Variants in ARL15 observed in about 807,000 individuals in gnomAD.
The protein encoded by ARL15 is ARF like GTPase 15.
A neutral mutation model predicts 25.2 loss-of-function variants in ARL15; 19 were observed. The observed-to-expected ratio is 0.75, with a 90% CI of 0.53 to 1.10. The LOEUF is 1.10. Ranked by LOEUF, ARL15 falls within the 50% of genes least tolerant of loss-of-function variation. The pLI is 0.00. For missense variants in ARL15, 220 were observed against 246.0 expected, an observed-to-expected ratio of 0.89 and a Z score of 0.71; for synonymous variants, 94 against 86.8, an observed-to-expected ratio of 1.08 and a Z score of -0.46.
Position 54,075,073 on chromosome 5 carries a change from G to GAAAAAAAAAAAAAAAAAAAAA in ARL15, c.462+38128_462+38129insTTTTTTTTTTTTTTTTTTTTT, listed in dbSNP as rs3836818. Among the ~76,000 whole-genome samples, 12 of 63,906 alleles carry GAAAAAAAAAAAAAAAAAAAAA rather than the reference G, an allele frequency of 1.9e-4. 2 individuals carry two copies. The highest frequency in any genetic ancestry group is 4.5e-4 in the African/African-American group (7 of 15,606). 41.9% of individuals were successfully genotyped at this position (63,906 alleles called of 152,430 possible). A position where few individuals can be genotyped will look rare whatever the true frequency, so the allele number is the denominator to read the frequency against. On this transcript the variant is annotated intron_variant, in intron 4 of 4. Coordinates refer to ENST00000504924, the MANE Select transcript of ARL15 (RefSeq NM_019087.3). ...GAATGATTCTTAGTACAGAATACAG[G>GAAAAAAAAAAAAAAAAAAAAA]AAAAAAAAAAAAAAAAAAAGTCCTG... is the stretch of plus-strand genomic sequence containing the variant.
chr5:54,241,285 C>T (rs67894567), intron 1 of ARL15, among the ~76,000 whole-genome samples: 12,542 of 152,022 alleles, frequency 0.083, 751 homozygotes, highest in African/African-American at 0.16. Context: ...TCTAAAAAAT[C>T]CCTAATCCAG....
intron 4 of ARL15, among the ~76,000 whole-genome samples, chr5:54,027,556 C>T (rs1237218754): frequency 6.6e-6 from 1 of 152,188 alleles, no homozygotes; most frequent in Non-Finnish European, 1.5e-5. Context: ...AAGGGATAAA[C>T]TAGAATTTTA....
chr5:54,310,333 T>C, intron 1 of ARL15, 99 bp downstream of exon 1: 1 of 1,371,782 alleles, frequency 7.3e-7, no homozygotes, highest in Non-Finnish European at 1.0e-6. Flanking sequence ...AGGCATCCTA[T>C]CCCAAAGAAA....
At chr5:53,909,898 A>G (rs1288863008) in intron 4 of ARL15, among the ~76,000 whole-genome samples, 1 of 152,194 alleles carries the variant, frequency 6.6e-6, no homozygotes, top group East Asian at 1.9e-4. Context: ...CAATATAAAC[A>G]TTCTCCTCAT....
chr5:53,991,363 G>C (rs1748485604), intron 4 of ARL15, among the ~76,000 whole-genome samples: 1 of 151,948 alleles, frequency 6.6e-6, no homozygotes, highest in African/African-American at 2.4e-5. Flanking sequence ...CCAATATGAT[G>C]AAACTCCATC....
intron 4 of ARL15, among the ~76,000 whole-genome samples, chr5:53,990,373 T>C (rs1283375609): frequency 6.6e-6 from 1 of 152,142 alleles, no homozygotes; most frequent in Non-Finnish European, 1.5e-5. Context: ...GGAAATACAA[T>C]TTCTTCTTTT....
At chr5:54,101,141 A>C (rs1359779105) in intron 4 of ARL15, among the ~76,000 whole-genome samples, 2 of 152,114 alleles carry the variant, frequency 1.3e-5, no homozygotes, top group African/African-American at 2.4e-5. Flanking sequence ...AAAATGAGTG[A>C]GAGAAGAGTT....
chr5:54,028,287 A>G (rs998400050), intron 4 of ARL15, among the ~76,000 whole-genome samples: 2 of 152,152 alleles, frequency 1.3e-5, no homozygotes, highest in African/African-American at 4.8e-5. Context: ...AAGTTCCATA[A>G]CTGCAATCGG....
chr5:53,950,917 C>A (rs572376219), intron 4 of ARL15, among the ~76,000 whole-genome samples: 1 of 152,332 alleles, frequency 6.6e-6, no homozygotes, highest in East Asian at 1.9e-4. Flanking sequence ...AGCATCTGTT[C>A]CTGACGATGG....
At chr5:54,266,657 A>G (rs1757634219) in intron 1 of ARL15, among the ~76,000 whole-genome samples, 1 of 152,208 alleles carries the variant, frequency 6.6e-6, no homozygotes. Context: ...CAGAACATAG[A>G]AGGATTTGAA....
intron 3 of ARL15, among the ~76,000 whole-genome samples, chr5:54,130,875 C>G (rs571250091): frequency 2.0e-5 from 3 of 152,188 alleles, no homozygotes; most frequent in African/African-American, 7.2e-5. Context: ...AACTAGGAAC[C>G]TATTTGGCAC....
intron 4 of ARL15, among the ~76,000 whole-genome samples, chr5:54,026,244 A>T (rs1377528331): frequency 6.6e-6 from 1 of 152,186 alleles, no homozygotes; most frequent in Non-Finnish European, 1.5e-5. Flanking sequence ...TCTGTCACAT[A>T]CCAAAATTAT....
At chr5:54,213,356 G>A (rs3797248) in intron 1 of ARL15, among the ~76,000 whole-genome samples, 25,154 of 152,116 alleles carry the variant, frequency 0.17, 2,507 homozygotes, top group Admixed American at 0.29. Flanking sequence ...AACTGAGGAT[G>A]CTCGAGTCAC....
At chr5:54,163,532 T>A (rs932512410) in intron 2 of ARL15, among the ~76,000 whole-genome samples, 1 of 151,666 alleles carries the variant, frequency 6.6e-6, no homozygotes. Flanking sequence ...TAGGATTCAC[T>A]AGTGAAACCA....
At chr5:54,077,776 CA>C (rs1328596254) in intron 4 of ARL15, among the ~76,000 whole-genome samples, 1 of 152,180 alleles carries the variant, frequency 6.6e-6, no homozygotes, top group African/African-American at 2.4e-5. Flanking sequence ...TGTCATTTGG[CA>C]AAGATGTGAG....
chr5:54,303,614 C>CCTGAAA, intron 1 of ARL15, among the ~76,000 whole-genome samples: 1 of 125,128 alleles, frequency 8.0e-6, no homozygotes, highest in East Asian at 2.3e-4. Flanking sequence ...AAGGAGATCG[C>CCTGAAA]ACCACTGCAC....
intron 2 of ARL15, among the ~76,000 whole-genome samples, chr5:54,161,584 G>T (rs1754402294): frequency 6.6e-6 from 1 of 151,994 alleles, no homozygotes; most frequent in Non-Finnish European, 1.5e-5. Flanking sequence ...TAATTTGTTT[G>T]CCATTTATTC....
chr5:54,096,700 G>A (rs570456025), intron 4 of ARL15, among the ~76,000 whole-genome samples: 21 of 152,132 alleles, frequency 1.4e-4, no homozygotes, highest in Non-Finnish European at 2.9e-4. Flanking sequence ...GTGAGCCACC[G>A]TGCCCGGCCT....
intron 3 of ARL15, among the ~76,000 whole-genome samples, chr5:54,132,524 A>C (rs1337138111): frequency 6.6e-6 from 1 of 152,182 alleles, no homozygotes; most frequent in African/African-American, 2.4e-5. Context: ...AAACATAAAG[A>C]ATTTTAATTT....
Sources: gnomAD v4.1 joint callset for allele counts (sites outside exome capture counted in the v4.1 genomes callset) on GRCh38, gnomAD v4.1.1 for gene constraint, MANE v1.5 for transcripts, NCBI Gene and HGNC (gene_info 2026-07-23, HGNC 2026-07-21) for gene names.